Variants in NELL1 observed in about 807,000 individuals in gnomAD.
NELL1 encodes the protein neural EGFL like 1.
NELL1 carries 76 observed loss-of-function variants against 107.4 expected under a neutral mutation model. The ratio of observed to expected loss-of-function variants is 0.71; its 90% CI spans 0.59 to 0.86. The LOEUF (loss-of-function observed/expected upper bound fraction) is 0.86, where lower values mean the gene tolerates loss of function less well. Among genes scored for constraint, NELL1 ranks in the 40% least tolerant of loss-of-function variants. The probability of loss-of-function intolerance (pLI) is 0.00; values close to 1 mark genes in which losing one functional copy is unlikely to be tolerated. For missense variants in NELL1, 1,024 were observed against 1,005.5 expected (o/e 1.02, Z -0.25); for synonymous variants, 353 against 341.2 (o/e 1.03, Z -0.38).
At chr11:20,886,143 AT>A (rs1849503583) in intron 5 of NELL1, among the ~76,000 whole-genome samples, 1 of 152,098 alleles carries the variant, frequency 6.6e-6, no homozygotes, top group African/African-American at 2.4e-5. Context: ...CTGAAAAACT[AT>A]TTGGTACCAT....
At chr11:20,821,113 G>A (rs962018688) in intron 3 of NELL1, among the ~76,000 whole-genome samples, 1 of 152,190 alleles carries the variant, frequency 6.6e-6, no homozygotes, top group African/African-American at 2.4e-5. Flanking sequence ...TTATAGAGGA[G>A]ATGGCATTTA....
rs745372720 is a variant in NELL1, at chr11:21,574,963, G to A, written c.2383-9G>A. On this transcript the variant is annotated splice_polypyrimidine_tract_variant and intron_variant, in intron 19 of 19. Transcript: ENST00000357134. ...TCAACTGGCTAACACATGTTTCTTT[G>A]ATGTACAGAATGGAAGAGTCTGTTG... 1 of 1,609,864 alleles carries A rather than the reference G, an allele frequency of 6.2e-7. No homozygotes were observed. Among genetic ancestry groups the A allele is most frequent in the East Asian group, 2.2e-5 (1 of 44,608 alleles).
In NELL1 at chr11:21,152,619, G is replaced by A. The variant is rs565345589; in HGVS notation, c.1426+38905G>A. ...CAGACTGTTAGATGTCAAGTTATTA[G>A]CATTTTCATTTTATCATACTCAGCT... is the stretch of plus-strand genomic sequence containing the variant. On this transcript the variant is annotated intron_variant, in intron 13 of 19. Transcript: ENST00000357134. 4.6e-5 allele frequency among the ~76,000 whole-genome samples: 7 copies of A among 152,214 alleles called. No homozygotes were observed. In the South Asian group the frequency reaches 1.5e-3, roughly 32 times the overall value.
intron 11 of NELL1, among the ~76,000 whole-genome samples, chr11:20,950,164 A>G (rs925715021): frequency 6.6e-6 from 1 of 152,132 alleles, no homozygotes; most frequent in African/African-American, 2.4e-5. Flanking sequence ...CTTTTCAGAA[A>G]CATCTACTAT....
At chr11:21,245,844 T>G (rs948236172) in intron 14 of NELL1, among the ~76,000 whole-genome samples, 5 of 152,162 alleles carry the variant, frequency 3.3e-5, no homozygotes, top group Non-Finnish European at 7.3e-5. Context: ...TAGGTATTTA[T>G]GTTATGAAGG....
In NELL1 at chr11:20,753,012, C is replaced by T. The variant is rs72942787; in HGVS notation, c.185-30668C>T. 4.3e-3 allele frequency among the ~76,000 whole-genome samples: 659 copies of T among 152,114 alleles called. 3 individuals are homozygous for T. Among genetic ancestry groups the T allele is most frequent in the Non-Finnish European group, 7.0e-3 (473 of 68,006 alleles). ...CCTTATTTGATTCAATTTTTCCTTC[C>T]GGAAGAATGGTCTTAATACAGTACA... is the stretch of plus-strand genomic sequence containing the variant. On this transcript the variant is annotated intron_variant, in intron 2 of 19. Transcript: ENST00000357134.
intron 13 of NELL1, among the ~76,000 whole-genome samples, chr11:21,125,385 T>A (rs1449509176): frequency 6.6e-6 from 1 of 152,168 alleles, no homozygotes; most frequent in Non-Finnish European, 1.5e-5. Flanking sequence ...AGCTCAATGG[T>A]TTTCAGTCAG....
chr11:21,545,200 C>T (rs1219429871), intron 16 of NELL1, among the ~76,000 whole-genome samples: 1 of 151,980 alleles, frequency 6.6e-6, no homozygotes, highest in Non-Finnish European at 1.5e-5. Context: ...CATTGTCAAG[C>T]TAATCTCTAT....
At chr11:21,440,406 A>G (rs1853251070) in intron 15 of NELL1, among the ~76,000 whole-genome samples, 1 of 152,160 alleles carries the variant, frequency 6.6e-6, no homozygotes, top group Non-Finnish European at 1.5e-5. Context: ...TAATTAAAGT[A>G]TTTATCTGCA....
chr11:21,273,187 C>T (rs528140193), intron 14 of NELL1, among the ~76,000 whole-genome samples: 3 of 152,064 alleles, frequency 2.0e-5, no homozygotes, highest in Non-Finnish European at 2.9e-5. Context: ...ACTAGAATAA[C>T]CAATACAGAG....
At chr11:20,695,944 A>G (rs1037219815) in intron 2 of NELL1, among the ~76,000 whole-genome samples, 3 of 151,778 alleles carry the variant, frequency 2.0e-5, no homozygotes, top group Non-Finnish European at 2.9e-5. Context: ...AAAATTACTT[A>G]TTCAATCTCA....
chr11:21,100,227 A>G (rs1431942565), intron 12 of NELL1, among the ~76,000 whole-genome samples: 6 of 152,170 alleles, frequency 3.9e-5, no homozygotes, highest in Non-Finnish European at 8.8e-5. Context: ...CACGTTGCCC[A>G]GGCTGGTGTC....
At chr11:20,934,351 A>G (rs1850679666) in intron 9 of NELL1, among the ~76,000 whole-genome samples, 1 of 152,184 alleles carries the variant, frequency 6.6e-6, no homozygotes. Context: ...TAATATGTTG[A>G]TCTCATTCAC....
chr11:21,294,925 G>A (rs1398051172), intron 14 of NELL1, among the ~76,000 whole-genome samples: 1 of 152,030 alleles, frequency 6.6e-6, no homozygotes, highest in Non-Finnish European at 1.5e-5. Context: ...TGAAGCCCAA[G>A]AAGGCAAAGT....
chr11:21,568,475 A>G (rs929415675), intron 17 of NELL1, among the ~76,000 whole-genome samples: 1 of 151,806 alleles, frequency 6.6e-6, no homozygotes, highest in African/African-American at 2.4e-5. Context: ...CAATAAATTA[A>G]CCTTAGCTTA....
intron 2 of NELL1, among the ~76,000 whole-genome samples, chr11:20,738,185 T>G (rs1441489002): frequency 6.6e-6 from 1 of 152,092 alleles, no homozygotes; most frequent in African/African-American, 2.4e-5. Context: ...ACGTGTGTTT[T>G]CCAGGTAAGC....
At chr11:21,198,614 A>G (rs1857203028) in intron 13 of NELL1, among the ~76,000 whole-genome samples, 2 of 152,230 alleles carry the variant, frequency 1.3e-5, no homozygotes, top group South Asian at 4.1e-4. Context: ...TAGTGTACAC[A>G]TTTTGTTTAT....
rs768267909 is a variant in NELL1 at position 21,181,221 on chromosome 11, G to A, written c.1427-48111G>A. 5.5e-4 allele frequency among the ~76,000 whole-genome samples: 83 copies of A among 151,894 alleles called. 2 individuals carry two copies. Among genetic ancestry groups the A allele is most frequent in the Non-Finnish European group, 1.5e-4 (10 of 68,004 alleles). ...AATACATTTATATTGTATTTATGGG[G>A]GAAAAGCAGATGAAATATTCAGGTT... On this transcript the variant is annotated intron_variant, in intron 13 of 19. Transcript: ENST00000357134.
chr11:21,492,020 T>C (rs1854833010), intron 15 of NELL1, among the ~76,000 whole-genome samples: 1 of 152,008 alleles, frequency 6.6e-6, no homozygotes, highest in African/African-American at 2.4e-5. Flanking sequence ...ATATCCAGAA[T>C]CTACAATGAA....
Sources: allele counts gnomAD v4.1 joint callset (sites outside exome capture counted in the v4.1 genomes callset), GRCh38; gene constraint gnomAD v4.1.1; transcripts MANE v1.5; gene names NCBI Gene and HGNC (gene_info 2026-07-23, HGNC 2026-07-21).